M1AP: variants seen among roughly 807,000 people sequenced by gnomAD.
M1AP encodes the protein meiosis 1 associated protein.
M1AP carries 39 observed loss-of-function variants against 51.2 expected under a neutral mutation model. The ratio of observed to expected loss-of-function variants is 0.76; its 90% CI spans 0.59 to 1.00. The LOEUF is 1.00. Ranked by LOEUF, M1AP falls within the 50% of genes least tolerant of loss-of-function variation. M1AP has a pLI of 0.00. For synonymous variants in M1AP, 251 were observed against 249.2 expected, an observed-to-expected ratio of 1.01 and a Z score of -0.07; for missense variants, 545 against 641.2, an observed-to-expected ratio of 0.85 and a Z score of 1.62.
At chr2:74,604,570 A>C (rs1171887211) in intron 4 of M1AP, among the ~76,000 whole-genome samples, 1 of 152,194 alleles carries the variant, frequency 6.6e-6, no homozygotes. Flanking sequence ...CTCAGGCAGT[A>C]ATGCTCACTT....
chr2:74,597,701 T>C (rs1680423819), intron 4 of M1AP, among the ~76,000 whole-genome samples: 1 of 152,226 alleles, frequency 6.6e-6, no homozygotes, highest in Non-Finnish European at 1.5e-5. Context: ...GACTGAGAGA[T>C]GTAGACTAGT....
At chr2:74,634,467 C>A (rs946277882) in intron 2 of M1AP, among the ~76,000 whole-genome samples, 18 of 152,170 alleles carry the variant, frequency 1.2e-4, no homozygotes, top group Admixed American at 1.2e-3. Context: ...GTACAAAATT[C>A]TTGGGATTTT....
chr2:74,576,339 G>T, intron 6 of M1AP, 117 bp downstream of exon 6: 1 of 1,120,680 alleles, frequency 8.9e-7, no homozygotes, highest in East Asian at 2.5e-5. Flanking sequence ...CTGCTACTTC[G>T]GAACTGACTC....
intron 2 of M1AP, among the ~76,000 whole-genome samples, chr2:74,622,164 T>C (rs901460981): frequency 5.9e-5 from 9 of 152,130 alleles, no homozygotes; most frequent in Non-Finnish European, 1.3e-4. Context: ...TAAATTTTTA[T>C]ATTGATTACA....
At chr2:74,560,774 A>G (rs1021513539) in intron 8 of M1AP, among the ~76,000 whole-genome samples, 6 of 152,210 alleles carry the variant, frequency 3.9e-5, no homozygotes, top group Middle Eastern at 3.4e-3. Context: ...TTCCGGCCAC[A>G]ACATCCTGTG....
At chr2:74,619,144 T>C in intron 2 of M1AP, 1 of 273,646 alleles carries the variant, frequency 3.7e-6, no homozygotes. Context: ...GTCCTTCAGC[T>C]AAATGTCTTC....
Position 74,575,418 on chromosome 2 carries a change from C to A in M1AP, c.1074+20G>T. The stretch of plus-strand genomic sequence containing the variant: ...TTTAAAAACGATTCTTCTTTTTCAC[C>A]TGGGGACATGGGTACTCACCAGCAG... On this transcript the variant is annotated intron_variant, in intron 7 of 10. Transcript: ENST00000421985. 9 of 1,612,856 alleles carry A rather than the reference C, an allele frequency of 5.6e-6. No individual in the cohort carries two copies. The highest frequency in any genetic ancestry group is 7.6e-6 in the Non-Finnish European group (9 of 1,179,516).
intron 7 of M1AP, among the ~76,000 whole-genome samples, chr2:74,573,418 T>C (rs1451874232): frequency 6.6e-6 from 1 of 152,208 alleles, no homozygotes; most frequent in South Asian, 2.1e-4. Flanking sequence ...AGTGGTGCGA[T>C]CTTGGCTCAC....
chr2:74,610,624 A>G (rs909940147), intron 3 of M1AP, among the ~76,000 whole-genome samples: 1 of 151,914 alleles, frequency 6.6e-6, no homozygotes, highest in African/African-American at 2.4e-5. Context: ...AGTTTTTCCA[A>G]AAAGTTTTTT....
At chr2:74,594,284 T>C (rs1680204068) in intron 4 of M1AP, among the ~76,000 whole-genome samples, 1 of 152,108 alleles carries the variant, frequency 6.6e-6, no homozygotes, top group Admixed American at 6.5e-5. Flanking sequence ...AAGGAAAATA[T>C]AAGTCAACAG....
At chr2:74,593,640 CAA>C (rs1680168449) in intron 4 of M1AP, among the ~76,000 whole-genome samples, 1 of 152,146 alleles carries the variant, frequency 6.6e-6, no homozygotes, top group Non-Finnish European at 1.5e-5. Flanking sequence ...CTCAGCCTTC[CAA>C]AGAGCTGGGA....
chr2:74,563,087 A>G (rs751016774), intron 7 of M1AP, among the ~76,000 whole-genome samples: 7 of 152,168 alleles, frequency 4.6e-5, no homozygotes, highest in Non-Finnish European at 1.0e-4. Context: ...CAGAGAGGGT[A>G]CAAGGTAGTA....
At position 74,581,824 on chromosome 2, in the gene M1AP, T is replaced by C; in HGVS notation, c.619A>G (p.Ile207Val). 1.2e-6 allele frequency: 2 copies of C among 1,613,848 alleles called. No homozygotes were observed. The highest frequency in any genetic ancestry group is 2.2e-5 in the South Asian group (2 of 91,064). ...NDESSILGTD[I>V]DLQTIDNDIV... Reference sequence around the variant, plus strand: ...TCATTGTCTATAGTCTGAAGGTCAATGTCAGTTCCCAGAATAGAACTCTCT... The same window carrying C: ...TCATTGTCTATAGTCTGAAGGTCAACGTCAGTTCCCAGAATAGAACTCTCT... The change falls in exon 5 of 11, where the codon ATT becomes GTT. Residue 207 changes from isoleucine to valine, a missense_variant. Coordinates refer to ENST00000421985, the MANE Select transcript of M1AP (RefSeq NM_001321739.2).
chr2:74,560,329 A>G (rs1198781023), intron 8 of M1AP, 38 bp from the exon 9 acceptor site: 2 of 1,543,536 alleles, frequency 1.3e-6, no homozygotes, highest in Non-Finnish European at 1.7e-6. Flanking sequence ...TAGGGAACTT[A>G]AGATCACAGA....
At chr2:74,614,180 T>G (rs1302845827) in intron 3 of M1AP, among the ~76,000 whole-genome samples, 1 of 152,208 alleles carries the variant, frequency 6.6e-6, no homozygotes, top group Non-Finnish European at 1.5e-5. Context: ...AGGTTTCTGT[T>G]CCAGTATGTT....
chr2:74,602,679 T>A (rs574205155), intron 4 of M1AP, among the ~76,000 whole-genome samples: 2 of 152,106 alleles, frequency 1.3e-5, no homozygotes, highest in Non-Finnish European at 2.9e-5. Flanking sequence ...ACTAAGGGAA[T>A]AAAACAATTA....
At chr2:74,592,157 G>T (rs540735012) in intron 4 of M1AP, among the ~76,000 whole-genome samples, 1 of 151,930 alleles carries the variant, frequency 6.6e-6, no homozygotes, top group Non-Finnish European at 1.5e-5. Flanking sequence ...CTTTGCAACC[G>T]ACTCTGTGTA....
intron 2 of M1AP, among the ~76,000 whole-genome samples, chr2:74,623,250 T>C (rs576785524): frequency 6.6e-6 from 1 of 152,236 alleles, no homozygotes; most frequent in East Asian, 1.9e-4. Flanking sequence ...ACGCCTGTAA[T>C]CCCAGCACTA....
intron 5 of M1AP, chr2:74,576,918 T>G: frequency 9.0e-7 from 1 of 1,116,248 alleles, no homozygotes; most frequent in East Asian, 5.4e-5. Context: ...AGCAGTTGTC[T>G]CATAGTGAGA....
Sources: gnomAD v4.1 joint callset for allele counts (sites outside exome capture counted in the v4.1 genomes callset) on GRCh38, gnomAD v4.1.1 for gene constraint, MANE v1.5 for transcripts, NCBI Gene and HGNC (gene_info 2026-07-23, HGNC 2026-07-21) for gene names.